The following GRIN2C variants were observed in gnomAD, a reference collection of about 807,000 sequenced individuals.
GRIN2C encodes the protein glutamate receptor ionotropic, NMDA 2C.
Under a neutral mutation model 77.7 loss-of-function variants are expected in GRIN2C, and 64 were observed. That is an observed-to-expected ratio of 0.82 (90% CI 0.67 to 1.01). The LOEUF is 1.01. GRIN2C is among the 50% of genes least tolerant of loss of function. The pLI is 0.00. For synonymous variants in GRIN2C, 792 were observed against 643.4 expected (o/e 1.23, Z -3.49); for missense variants, 1,549 against 1,486.0 (o/e 1.04, Z -0.70).
intron 3 of GRIN2C, 86 bp from the exon 4 acceptor site, chr17:74,851,777 G>A: frequency 1.2e-6 from 1 of 848,350 alleles, no homozygotes; most frequent in Admixed American, 2.1e-5. Context: ...ACAGCAGGTG[G>A]CATTGATTGT....
rs2037679183 is a variant in GRIN2C, at chr17:74,852,361, C to T, written c.650G>A (p.Arg217His). Residue 217 changes from arginine (R) to histidine (H), a missense_variant, in exon 3 of 13, where the codon CGC (arginine) becomes CAC (histidine). By Grantham distance (29) the Arg-to-His change is conservative. Coordinates refer to ENST00000293190, the MANE Select transcript of GRIN2C (RefSeq NM_000835.6). ...GPRARTQRLL[R>H]QLDAPVFVAY... is the part of the protein sequence containing the mutation. Reference sequence around the variant, plus strand: ...CACAAACACGGGCGCGTCGAGCTGGCGCAGCAGGCGCTGCGTGCGCGCGCG... The same window carrying T: ...CACAAACACGGGCGCGTCGAGCTGGTGCAGCAGGCGCTGCGTGCGCGCGCG... The T allele has an allele frequency of 6.9e-7, 1 of 1,450,698 alleles. No individual in the cohort carries two copies. The highest frequency in any genetic ancestry group is 1.4e-5 in the South Asian group (1 of 73,510). The allele number at this position is 1,450,698 out of a possible 1,614,324, so 89.9% of individuals were successfully genotyped here. A position where few individuals can be genotyped will look rare whatever the true frequency, so the allele number is the denominator to read the frequency against.
chr17:74,844,186 T>G, intron 12 of GRIN2C, 90 bp downstream of exon 12: 2 of 1,558,332 alleles, frequency 1.3e-6, no homozygotes, highest in Non-Finnish European at 1.7e-6. Context: ...ACCTTGGTTT[T>G]ACCTCTGGAA....
intron 4 of GRIN2C, chr17:74,851,139 C>T (rs1318722105): frequency 5.9e-6 from 2 of 340,274 alleles, no homozygotes; most frequent in East Asian, 5.4e-5. Context: ...CACAGCCCAG[C>T]TCAAATATCC....
rs2037305484 is a variant in GRIN2C, at chr17:74,842,228, G to A, written c.*207C>T. 1 of 537,448 alleles carries A rather than the reference G, an allele frequency of 1.9e-6. No individual in the cohort carries two copies. The allele number at this position is 537,448 out of a possible 1,614,324, so 33.3% of individuals were successfully genotyped here. A position where few individuals can be genotyped will look rare whatever the true frequency, so the allele number is the denominator to read the frequency against. ...GCACACCCTCCTGGCAGAACTCTGC[G>A]TGAGAAGAGGACAGCAAAAGCCCAG... On this transcript the variant is annotated 3_prime_UTR_variant, in exon 13 of 13. Coordinates refer to ENST00000293190, the MANE Select transcript of GRIN2C (RefSeq NM_000835.6).
Position 74,849,947 on chromosome 17 carries a change from GCCA to G in GRIN2C, c.1492-17_1492-15del. 6.2e-7 allele frequency: 1 copy of G among 1,606,664 alleles called. No homozygotes were observed. Among genetic ancestry groups the G allele is most frequent in the East Asian group, 2.2e-5 (1 of 44,828 alleles). On this transcript the variant is annotated splice_polypyrimidine_tract_variant and intron_variant, in intron 6 of 12. Coordinates refer to ENST00000293190, the MANE Select transcript of GRIN2C (RefSeq NM_000835.6). This position sits in a 1 kb window ranked among gnomAD's most constrained non-coding sequence, Gnocchi z 4.6. ...CTTGTAGTACACCTGGGGGCCGGAC[GCCA>G]CGGAGGTTTGAAAAAGGGGCTCCCG...
upstream of GRIN2C, chr17:74,860,879 G>GCAGCAGGTGCC (rs2037935215): frequency 3.7e-6 from 1 of 271,844 alleles, no homozygotes; most frequent in African/African-American, 2.3e-5. Flanking sequence ...AGGCGAGTGC[G>GCAGCAGGTGCC]CAGCAGGTGC....
chr17:74,849,230 G>A lies in GRIN2C; in HGVS notation c.1645+550C>T. 6.6e-6 allele frequency among the ~76,000 whole-genome samples: 1 copy of A among 151,952 alleles called. No homozygotes were observed. Among genetic ancestry groups the A allele is most frequent in the Admixed American group, 6.5e-5 (1 of 15,268 alleles). ...AGAGCCGGGGTTTCCACTCCTGTCT[G>A]GCCAGCCTCAGCTCTTCCCCTGCCC... On this transcript the variant is annotated intron_variant, in intron 7 of 12. Transcript: ENST00000293190. The surrounding 1 kb of genome is among the most constrained non-coding windows in gnomAD (Gnocchi z 4.6).
In GRIN2C at chr17:74,852,441, G is replaced by A. The variant is rs1567896669; in HGVS notation, c.570C>T (p.His190=). ...EGVRAVADAS[H]VSWRLLDVVT... Reference sequence around the variant, plus strand: ...CCACGTCCAGCAGCCGCCAACTCACGTGGCTGGCGTCGGCGACGGCGCGCA... The same window carrying A: ...CCACGTCCAGCAGCCGCCAACTCACATGGCTGGCGTCGGCGACGGCGCGCA... The change falls in exon 3 of 13, where the codon CAC becomes CAT. Residue 190 remains histidine (H), a synonymous_variant. Transcript: ENST00000293190. 3 of 1,538,384 alleles carry A rather than the reference G, an allele frequency of 2.0e-6. No individual in the cohort carries two copies. Among genetic ancestry groups the A allele is most frequent in the African/African-American group, 2.8e-5 (2 of 70,298 alleles).
chr17:74,854,519 C>T, intron 2 of GRIN2C, 175 bp downstream of exon 2: 2 of 603,098 alleles, frequency 3.3e-6, no homozygotes, highest in Non-Finnish European at 5.9e-6. Context: ...GAATATCTCT[C>T]CTCTAGAACA....
chr17:74,854,641 C>A, intron 2 of GRIN2C, 53 bp downstream of exon 2: 1 of 1,517,912 alleles, frequency 6.6e-7, no homozygotes, highest in Non-Finnish European at 9.0e-7. Flanking sequence ...CACCCCCGAC[C>A]CCAGCCTGGT....
rs1210908276 is a variant in GRIN2C, at chr17:74,854,790, G to A, written c.303C>T (p.Thr101=). The A allele has an allele frequency of 9.9e-6, 16 of 1,613,700 alleles. No individual in the cohort carries two copies. The highest frequency in any genetic ancestry group is 1.3e-5 in the African/African-American group (1 of 74,918). ...AGTCAAGGATCTGGGCCACCGCCTCGGTGTCCACGTTGTCCTCAAAGACAA... is the reference window on the plus strand; with the variant it reads ...AGTCAAGGATCTGGGCCACCGCCTCAGTGTCCACGTTGTCCTCAAAGACAA... ...HGIVFEDNVD[T]EAVAQILDFI... Residue 101 remains threonine (T), a synonymous_variant, in exon 2 of 13, where the codon ACC becomes ACT. Coordinates refer to ENST00000293190, the MANE Select transcript of GRIN2C (RefSeq NM_000835.6).
chr17:74,845,102 G>T (rs542290051), intron 11 of GRIN2C, among the ~76,000 whole-genome samples: 19 of 151,420 alleles, frequency 1.3e-4, no homozygotes, highest in Non-Finnish European at 2.7e-4. Flanking sequence ...GCTAATTTTT[G>T]TATCTTTTGT....
In GRIN2C at chr17:74,843,571, G is replaced by A. The variant is rs572057266; in HGVS notation, c.2584-18C>T. On this transcript the variant is annotated intron_variant, in intron 12 of 12. Transcript: ENST00000293190. ...TAGATGCCCTGGGCAGTAGGGAGACGACAGGCCGTAAGCAGCGCCCTCCGC... is the reference window on the plus strand; with the variant it reads ...TAGATGCCCTGGGCAGTAGGGAGACAACAGGCCGTAAGCAGCGCCCTCCGC... 23 of 1,531,160 alleles carry A rather than the reference G, an allele frequency of 1.5e-5. No individual in the cohort carries two copies. In the African/African-American group the frequency reaches 2.7e-4, roughly 18 times the overall value. The allele number at this position is 1,531,160 out of a possible 1,614,324, so 94.8% of individuals were successfully genotyped here.
rs1215901464 is a variant in GRIN2C, at chr17:74,850,120, C to T, written c.1491+86G>A. On this transcript the variant is annotated intron_variant, in intron 6 of 12. Transcript: ENST00000293190. The surrounding 1 kb of genome is among the most constrained non-coding windows in gnomAD (Gnocchi z 5.3). ...ATCATTGGTGACAGCCCATGCCCCC[C>T]TCTAGAGGGCATCTGAGAGCCACAT... The T allele has an allele frequency of 4.0e-6, 6 of 1,483,390 alleles. No homozygotes were observed. The South Asian group carries it at 7.1e-5, about 17-fold the overall frequency. 91.9% of individuals were successfully genotyped at this position (1,483,390 alleles called of 1,614,324 possible).
At position 74,852,249 on chromosome 17, in the gene GRIN2C, C is replaced by T. The variant is rs750528271; in HGVS notation, c.762G>A (p.Val254=). The part of the protein sequence containing the change: ...GLVGPGHVWL[V]PNLALGSTDA... ...CGGTGCTGCCCAGCGCCAGGTTGGGCACCAGCCACACGTGGCCGGGCCCCA... is the reference window on the plus strand; with the variant it reads ...CGGTGCTGCCCAGCGCCAGGTTGGGTACCAGCCACACGTGGCCGGGCCCCA... The change falls in exon 3 of 13, where the codon GTG becomes GTA. Residue 254 remains valine (V), a synonymous_variant. Transcript: ENST00000293190. The T allele has an allele frequency of 7.1e-7, 1 of 1,400,564 alleles. No individual in the cohort carries two copies. The highest frequency in any genetic ancestry group is 1.5e-5 in the South Asian group (1 of 65,720). The allele number at this position is 1,400,564 out of a possible 1,614,324, so 86.8% of individuals were successfully genotyped here. A position where few individuals can be genotyped will look rare whatever the true frequency, so the allele number is the denominator to read the frequency against.
rs772008548 is a variant in GRIN2C at position 74,842,417 on chromosome 17, G to A, written c.*18C>T. 1.3e-6 allele frequency: 1 copy of A among 766,316 alleles called. No individual in the cohort carries two copies. The highest frequency in any genetic ancestry group is 2.4e-6 in the Non-Finnish European group (1 of 411,946). The allele number at this position is 766,316 out of a possible 1,614,324, so 47.5% of individuals were successfully genotyped here. ...AGGCAGAGAATCCAGCTGGCTCGGA[G>A]CCTGAGTGGCTGATAACTCACACTT... is the stretch of plus-strand genomic sequence containing the variant. On this transcript the variant is annotated 3_prime_UTR_variant, in exon 13 of 13. Coordinates refer to ENST00000293190, the MANE Select transcript of GRIN2C (RefSeq NM_000835.6).
chr17:74,844,594 G>A lies in GRIN2C; in HGVS notation c.2351-86C>T, dbSNP rs2037402285. ...AAAGCTCACCACAAACCTGGAGTAA[G>A]AAGGGATCTGGGGCAGGGTGCCACC... On this transcript the variant is annotated intron_variant, in intron 11 of 12. Coordinates refer to ENST00000293190, the MANE Select transcript of GRIN2C (RefSeq NM_000835.6). 3.9e-6 allele frequency: 6 copies of A among 1,529,162 alleles called. No homozygotes were observed. In the Admixed American group the frequency reaches 1.2e-4, roughly 30 times the overall value. The allele number at this position is 1,529,162 out of a possible 1,614,324, so 94.7% of individuals were successfully genotyped here. A position where few individuals can be genotyped will look rare whatever the true frequency, so the allele number is the denominator to read the frequency against.
chr17:74,844,762 C>G (rs1391684358), intron 11 of GRIN2C, among the ~76,000 whole-genome samples: 2 of 152,078 alleles, frequency 1.3e-5, no homozygotes, highest in Non-Finnish European at 2.9e-5. Context: ...GGGTCCTCCC[C>G]CTGTGCACCC....
At chr17:74,857,178 TCA>T (rs915376556) in intron 1 of GRIN2C, among the ~76,000 whole-genome samples, 2 of 152,154 alleles carry the variant, frequency 1.3e-5, no homozygotes, top group Non-Finnish European at 2.9e-5. Context: ...CCTACTTCCC[TCA>T]AACTCCCCAG....
Sources: allele counts gnomAD v4.1 joint callset (sites outside exome capture counted in the v4.1 genomes callset), GRCh38; gene constraint gnomAD v4.1.1; non-coding constraint Gnocchi (gnomAD v3.1); transcripts MANE v1.5; gene names NCBI Gene and HGNC (gene_info 2026-07-23, HGNC 2026-07-21).